HOXB9: variants seen among roughly 807,000 people sequenced by gnomAD.
HOXB9 encodes homeobox B9, also known as homeobox protein Hox-B9.
Under a neutral mutation model 21.5 loss-of-function variants are expected in HOXB9, and 10 were observed. That is an observed-to-expected ratio of 0.47 (90% CI 0.29 to 0.79). HOXB9 has a LOEUF of 0.79. HOXB9 is among the 30% of genes least tolerant of loss of function. HOXB9 has a pLI of 0.10. For missense variants in HOXB9, 375 were observed against 338.7 expected, an observed-to-expected ratio of 1.11 and a Z score of -0.84; for synonymous variants, 156 against 151.2, an observed-to-expected ratio of 1.03 and a Z score of -0.23.
At position 48,625,743 on chromosome 17, in the gene HOXB9, T is replaced by C. The variant is rs933049056; in HGVS notation, c.517+10A>G. 2 of 1,546,006 alleles carry C rather than the reference T, an allele frequency of 1.3e-6. No homozygotes were observed. Among genetic ancestry groups the C allele is most frequent in the Non-Finnish European group, 1.7e-6 (2 of 1,146,026 alleles). On this transcript the variant is annotated intron_variant, in intron 1 of 1. Coordinates refer to ENST00000311177, the MANE Select transcript of HOXB9 (RefSeq NM_024017.5). Reference sequence around the variant, plus strand: ...TCGGCCTGGGTATTTCCTCACTTTTTATAACTTACTTTGATCCGGCCTCTC... The same window carrying C: ...TCGGCCTGGGTATTTCCTCACTTTTCATAACTTACTTTGATCCGGCCTCTC...
intron 1 of HOXB9, 141 bp downstream of exon 1, chr17:48,625,612 T>G: frequency 9.6e-7 from 1 of 1,041,054 alleles, no homozygotes; most frequent in Non-Finnish European, 1.3e-6. Context: ...CCGTCTTTCC[T>G]TCCTCTCCCC....
In HOXB9 at chr17:48,622,733, G is replaced by C. The variant is rs1015978131; in HGVS notation, c.*167C>G. 5.0e-6 allele frequency: 3 copies of C among 595,142 alleles called. No homozygotes were observed. The highest frequency in any genetic ancestry group is 8.9e-6 in the Non-Finnish European group (3 of 335,608). The allele number at this position is 595,142 out of a possible 1,614,324, so 36.9% of individuals were successfully genotyped here. ...CTAGAGAGAAGAGAGAGACAGGTAA[G>C]GGCAAAGGAAAGGAGGGAGGTTCTA... On this transcript the variant is annotated 3_prime_UTR_variant, in exon 2 of 2. Coordinates refer to ENST00000311177, the MANE Select transcript of HOXB9 (RefSeq NM_024017.5).
At position 48,626,229 on chromosome 17, in the gene HOXB9, G is replaced by A. The variant is rs141940626; in HGVS notation, c.41C>T (p.Ser14Leu). The A allele has an allele frequency of 1.2e-4, 188 of 1,598,282 alleles. No individual in the cohort carries two copies. The highest frequency in any genetic ancestry group is 1.6e-4 in the Non-Finnish European group (183 of 1,179,394). ...GTCCTCACTCTCGTGACTTATGATC[G>A]AGTCGACATAATAGCTGCTAAGCGT... ...SGTLSSYYVD[S>L]IISHESEDAP... is the part of the protein sequence containing the mutation. The change falls in exon 1 of 2, where the codon TCG (serine) becomes TTG (leucine). Residue 14 changes from serine (S) to leucine (L), a missense_variant. Transcript: ENST00000311177.
In HOXB9 at chr17:48,626,339, G is replaced by A. The variant is rs2070816882; in HGVS notation, c.-70C>T. ...GCGCGGCGGCGCCCAAGCAGGGAGA[G>A]GTGGCACCCGGACCGGTGTGAGGGC... On this transcript the variant is annotated 5_prime_UTR_variant, in exon 1 of 2. Coordinates refer to ENST00000311177, the MANE Select transcript of HOXB9 (RefSeq NM_024017.5). 1.3e-6 allele frequency: 2 copies of A among 1,490,906 alleles called. No individual in the cohort carries two copies. Among genetic ancestry groups the A allele is most frequent in the Admixed American group, 2.0e-5 (1 of 50,492 alleles). The allele number at this position is 1,490,906 out of a possible 1,614,324, so 92.4% of individuals were successfully genotyped here. A position where few individuals can be genotyped will look rare whatever the true frequency, so the allele number is the denominator to read the frequency against.
At position 48,622,530 on chromosome 17, in the gene HOXB9, A is replaced by T; in HGVS notation, c.*370T>A. The T allele has an allele frequency of 2.3e-5, 5 of 221,350 alleles. No homozygotes were observed. Among genetic ancestry groups the T allele is most frequent in the Non-Finnish European group, 1.8e-5 (2 of 111,288 alleles). The allele number at this position is 221,350 out of a possible 1,614,324, so 13.7% of individuals were successfully genotyped here. A position where few individuals can be genotyped will look rare whatever the true frequency, so the allele number is the denominator to read the frequency against. The stretch of plus-strand genomic sequence containing the variant: ...TGTAGAGTTGGAGTGTCCCTGGGTG[A>T]CTTTTGGGTGGGTGTAGAGAAGAAA... On this transcript the variant is annotated 3_prime_UTR_variant, in exon 2 of 2. Coordinates refer to ENST00000311177, the MANE Select transcript of HOXB9 (RefSeq NM_024017.5).
At chr17:48,625,137 C>T (rs1224752404) in intron 1 of HOXB9, among the ~76,000 whole-genome samples, 2 of 152,264 alleles carry the variant, frequency 1.3e-5, no homozygotes, top group African/African-American at 4.8e-5. Flanking sequence ...TCAGTCACCG[C>T]GTCCTGGGCT....
rs1759901909 is a variant in HOXB9, at chr17:48,626,324, G to A, written c.-55C>T. On this transcript the variant is annotated 5_prime_UTR_variant, in exon 1 of 2. Coordinates refer to ENST00000311177, the MANE Select transcript of HOXB9 (RefSeq NM_024017.5). ...GGAAGGGAAGCGCTCGCGCGGCGGC[G>A]CCCAAGCAGGGAGAGGTGGCACCCG... 6.6e-7 allele frequency: 1 copy of A among 1,526,632 alleles called. No homozygotes were observed. Among genetic ancestry groups the A allele is most frequent in the South Asian group, 1.2e-5 (1 of 80,512 alleles). The allele number at this position is 1,526,632 out of a possible 1,614,324, so 94.6% of individuals were successfully genotyped here. A position where few individuals can be genotyped will look rare whatever the true frequency, so the allele number is the denominator to read the frequency against.
chr17:48,622,771 G>A lies in HOXB9; in HGVS notation c.*129C>T. The stretch of plus-strand genomic sequence containing the variant: ...GAGGGAGGTTCTAGGTGCAGATAAA[G>A]GACTTGGAAGAGAGACTCCCTTCCC... On this transcript the variant is annotated 3_prime_UTR_variant, in exon 2 of 2. Coordinates refer to ENST00000311177, the MANE Select transcript of HOXB9 (RefSeq NM_024017.5). The A allele has an allele frequency of 3.0e-6, 2 of 667,060 alleles. No homozygotes were observed. The highest frequency in any genetic ancestry group is 2.6e-6 in the Non-Finnish European group (1 of 387,202). 41.3% of individuals were successfully genotyped at this position (667,060 alleles called of 1,614,324 possible). A position where few individuals can be genotyped will look rare whatever the true frequency, so the allele number is the denominator to read the frequency against.
At chr17:48,623,197 G>A in intron 1 of HOXB9, 62 bp from the exon 2 acceptor site, 3 of 1,352,248 alleles carry the variant, frequency 2.2e-6, no homozygotes, top group Non-Finnish European at 3.1e-6. Flanking sequence ...CAGATCAAGA[G>A]GGCACTCCCT....
rs2070780485 is a variant in HOXB9, at chr17:48,622,708, C to T, written c.*192G>A. Reference sequence around the variant, plus strand: ...AATCAACAAAACTTTCTCCTGACACCTAGAGAGAAGAGAGAGACAGGTAAG... The same window carrying T: ...AATCAACAAAACTTTCTCCTGACACTTAGAGAGAAGAGAGAGACAGGTAAG... On this transcript the variant is annotated 3_prime_UTR_variant, in exon 2 of 2. Transcript: ENST00000311177. The T allele has an allele frequency of 7.2e-6, 4 of 553,756 alleles. No homozygotes were observed. The highest frequency in any genetic ancestry group is 4.9e-5 in the South Asian group (2 of 40,594). The allele number at this position is 553,756 out of a possible 1,614,324, so 34.3% of individuals were successfully genotyped here.
At chr17:48,625,326 G>A (rs577278354) in intron 1 of HOXB9, among the ~76,000 whole-genome samples, 1 of 152,338 alleles carries the variant, frequency 6.6e-6, no homozygotes, top group East Asian at 1.9e-4. Context: ...CCAGCCGCAC[G>A]GCCCCGGGCA....
In HOXB9 at chr17:48,621,633, C is replaced by T. The variant is rs2070770972; in HGVS notation, c.*1267G>A. ...GGGCGGGTCTCCTTTGGCGCTGGGG[C>T]TAGAGCCGCCAAGCCCGGGGCTTCT... On this transcript the variant is annotated 3_prime_UTR_variant, in exon 2 of 2. Transcript: ENST00000311177. 1 of 152,286 alleles carries T rather than the reference C, an allele frequency of 6.6e-6. No individual in the cohort carries two copies. The highest frequency in any genetic ancestry group is 2.1e-4 in the South Asian group (1 of 4,838). 9.4% of individuals were successfully genotyped at this position (152,286 alleles called of 1,614,324 possible). A position where few individuals can be genotyped will look rare whatever the true frequency, so the allele number is the denominator to read the frequency against.
rs1220222966 is a variant in HOXB9 at position 48,621,728 on chromosome 17, C to A, written c.*1172G>T. ...GCGTTGCGCGCTGGGGCCGTTGCTCCTCCCTGTCCCAGACCACTTGTCCCG... is the reference window on the plus strand; with the variant it reads ...GCGTTGCGCGCTGGGGCCGTTGCTCATCCCTGTCCCAGACCACTTGTCCCG... On this transcript the variant is annotated 3_prime_UTR_variant, in exon 2 of 2. Coordinates refer to ENST00000311177, the MANE Select transcript of HOXB9 (RefSeq NM_024017.5). 6.6e-6 allele frequency: 1 copy of A among 152,326 alleles called. No individual in the cohort carries two copies. The highest frequency in any genetic ancestry group is 2.4e-5 in the African/African-American group (1 of 41,468). 9.4% of individuals were successfully genotyped at this position (152,326 alleles called of 1,614,324 possible).
chr17:48,623,913 G>T (rs1567984860), intron 1 of HOXB9, among the ~76,000 whole-genome samples: 1 of 152,186 alleles, frequency 6.6e-6, no homozygotes, highest in Non-Finnish European at 1.5e-5. Flanking sequence ...CTCACAGTTT[G>T]GTTAACGCAA....
chr17:48,621,661 G>A lies in HOXB9; in HGVS notation c.*1239C>T, dbSNP rs902664824. 1 of 152,300 alleles carries A rather than the reference G, an allele frequency of 6.6e-6. No homozygotes were observed. Among genetic ancestry groups the A allele is most frequent in the East Asian group, 1.9e-4 (1 of 5,202 alleles). The allele number at this position is 152,300 out of a possible 1,614,324, so 9.4% of individuals were successfully genotyped here. ...GAGCCGCCAAGCCCGGGGCTTCTCTGCGTGGGTCGAGAAGCCGACGGGATT... is the reference window on the plus strand; with the variant it reads ...GAGCCGCCAAGCCCGGGGCTTCTCTACGTGGGTCGAGAAGCCGACGGGATT... On this transcript the variant is annotated 3_prime_UTR_variant, in exon 2 of 2. Coordinates refer to ENST00000311177, the MANE Select transcript of HOXB9 (RefSeq NM_024017.5).
intron 1 of HOXB9, 77 bp downstream of exon 1, chr17:48,625,676 C>G: frequency 7.1e-7 from 1 of 1,415,040 alleles, no homozygotes; most frequent in Non-Finnish European, 9.3e-7. Context: ...TCACATTGTC[C>G]GCAGTTTATT....
Position 48,622,719 on chromosome 17 carries a change from A to G in HOXB9, c.*181T>C. ...CTTTCTCCTGACACCTAGAGAGAAGAGAGAGACAGGTAAGGGCAAAGGAAA... is the reference window on the plus strand; with the variant it reads ...CTTTCTCCTGACACCTAGAGAGAAGGGAGAGACAGGTAAGGGCAAAGGAAA... On this transcript the variant is annotated 3_prime_UTR_variant, in exon 2 of 2. Coordinates refer to ENST00000311177, the MANE Select transcript of HOXB9 (RefSeq NM_024017.5). 1.8e-6 allele frequency: 1 copy of G among 571,098 alleles called. No homozygotes were observed. The highest frequency in any genetic ancestry group is 3.1e-6 in the Non-Finnish European group (1 of 321,248). The allele number at this position is 571,098 out of a possible 1,614,324, so 35.4% of individuals were successfully genotyped here.
chr17:48,622,543 T>TATCA lies in HOXB9; in HGVS notation c.*356_*357insTGAT. On this transcript the variant is annotated 3_prime_UTR_variant, in exon 2 of 2. Coordinates refer to ENST00000311177, the MANE Select transcript of HOXB9 (RefSeq NM_024017.5). Reference sequence around the variant, plus strand: ...TGTCCCTGGGTGACTTTTGGGTGGGTGTAGAGAAGAAACAGGCAAGCTGGA... The same window carrying TATCA: ...TGTCCCTGGGTGACTTTTGGGTGGGTATCAGTAGAGAAGAAACAGGCAAGCTGGA... 4.1e-6 allele frequency: 1 copy of TATCA among 242,168 alleles called. No homozygotes were observed. The highest frequency in any genetic ancestry group is 5.9e-5 in the South Asian group (1 of 17,070). 15.0% of individuals were successfully genotyped at this position (242,168 alleles called of 1,614,324 possible).
Position 48,625,841 on chromosome 17 carries a change from G to C in HOXB9, c.429C>G (p.Gly143=). ...TTTGATTAGACAGCACGGCCTCCCT[G>C]CCCGCCGAAGTTTCCAAACTGTACT... ...TPEYSLETSA[G]REAVLSNQRP... is the part of the protein sequence containing the mutation. The change falls in exon 1 of 2, where the codon GGC becomes GGG. Residue 143 remains glycine (G), a synonymous_variant. Coordinates refer to ENST00000311177, the MANE Select transcript of HOXB9 (RefSeq NM_024017.5). 4 of 1,611,698 alleles carry C rather than the reference G, an allele frequency of 2.5e-6. No homozygotes were observed. The South Asian group carries it at 3.3e-5, about 13-fold the overall frequency.
Sources: allele counts gnomAD v4.1 joint callset (sites outside exome capture counted in the v4.1 genomes callset), GRCh38; gene constraint gnomAD v4.1.1; transcripts MANE v1.5; gene names NCBI Gene and HGNC (gene_info 2026-07-23, HGNC 2026-07-21).